KANK1: variants seen among roughly 807,000 people sequenced by gnomAD.
The protein encoded by KANK1 is KN motif and ankyrin repeat domains 1.
A neutral mutation model predicts 106.2 loss-of-function variants in KANK1; 109 were observed. That is an observed-to-expected ratio of 1.03 (90% confidence interval 0.88 to 1.20). The LOEUF (loss-of-function observed/expected upper bound fraction) is 1.20. Among genes scored for constraint, KANK1 ranks in the 50% most tolerant of loss-of-function variants. The pLI is 0.00. For missense variants in KANK1, 2,399 were observed against 1,710.7 expected, an observed-to-expected ratio of 1.40 and a Z score of -7.10; for synonymous variants, 873 against 652.2, an observed-to-expected ratio of 1.34 and a Z score of -5.16.
At chr9:536,961 A>G (rs1010998593) in intron 1 of KANK1, among the ~76,000 whole-genome samples, 12 of 152,212 alleles carry the variant, frequency 7.9e-5, no homozygotes, top group Non-Finnish European at 1.6e-4. Flanking sequence ...CGCACCTTGC[A>G]GGTCAGGTGT....
intron 2 of KANK1, among the ~76,000 whole-genome samples, chr9:704,992 C>CAAAAAAAAAAAAAAA: frequency 1.9e-5 from 1 of 53,096 alleles, no homozygotes; most frequent in Non-Finnish European, 3.2e-5. Context: ...GACCCTGTCT[C>CAAAAAAAAAAAAAAA]AAAAAAAAAA....
intron 2 of KANK1, among the ~76,000 whole-genome samples, chr9:695,492 C>G (rs1366601317): frequency 6.6e-6 from 1 of 152,138 alleles, no homozygotes; most frequent in Non-Finnish European, 1.5e-5. Flanking sequence ...CTACAGCTCC[C>G]TGCTGGCATC....
intron 3 of KANK1, among the ~76,000 whole-genome samples, chr9:494,782 C>T (rs1339474524): frequency 6.6e-6 from 1 of 152,128 alleles, no homozygotes; most frequent in East Asian, 1.9e-4. Flanking sequence ...CTCAAACAGT[C>T]CCTTTTGTTG....
At chr9:579,047 G>A (rs751879214) in intron 1 of KANK1, among the ~76,000 whole-genome samples, 2 of 152,184 alleles carry the variant, frequency 1.3e-5, no homozygotes, top group Non-Finnish European at 2.9e-5. Context: ...AATGCCAGCT[G>A]AAGCAGAGTA....
intron 1 of KANK1, among the ~76,000 whole-genome samples, chr9:638,844 CTG>C (rs1360173534): frequency 2.6e-5 from 4 of 152,182 alleles, no homozygotes; most frequent in African/African-American, 9.7e-5. Context: ...TTCAATTTGA[CTG>C]TGTTACTGCC....
intron 2 of KANK1, among the ~76,000 whole-genome samples, chr9:698,320 C>G (rs1821817853): frequency 6.6e-6 from 1 of 152,134 alleles, no homozygotes; most frequent in Admixed American, 6.5e-5. Context: ...CATGCTAAAT[C>G]AGAACCTGGA....
chr9:517,550 C>CT lies in KANK1; in HGVS notation c.-84+12804dup, dbSNP rs1041542592. 9.9e-5 allele frequency among the ~76,000 whole-genome samples: 15 copies of CT among 151,234 alleles called. 1 individual carries two copies. The highest frequency in any genetic ancestry group is 3.3e-4 in the Admixed American group (5 of 15,216). ...GATATTCATGGGAAAATAGGGAAGC[C>CT]TTTTTTTTCCTTTAGTGAAATCCTA... On this transcript the variant is annotated intron_variant, in intron 1 of 11. Transcript: ENST00000382297.
chr9:623,761 A>G (rs192277452), intron 1 of KANK1, among the ~76,000 whole-genome samples: 5 of 152,308 alleles, frequency 3.3e-5, no homozygotes, highest in Non-Finnish European at 7.4e-5. Context: ...TGACAAGGAT[A>G]TGGAGGAAAG....
At chr9:645,883 A>G (rs919125539) in intron 1 of KANK1, among the ~76,000 whole-genome samples, 2 of 151,028 alleles carry the variant, frequency 1.3e-5, no homozygotes, top group African/African-American at 5.0e-5. Context: ...ACATTGGTCT[A>G]TACAACAAAA....
chr9:622,513 G>A (rs555741303), intron 1 of KANK1, among the ~76,000 whole-genome samples: 73 of 152,296 alleles, frequency 4.8e-4, no homozygotes, highest in Middle Eastern at 3.4e-3. Flanking sequence ...CAGTCTCTTC[G>A]AAGAATACTG....
At chr9:611,969 C>T (rs901576879) in intron 1 of KANK1, among the ~76,000 whole-genome samples, 4 of 152,326 alleles carry the variant, frequency 2.6e-5, no homozygotes, top group African/African-American at 7.2e-5. Context: ...CCGCCAGTCT[C>T]GGCCTCCCAG....
At chr9:664,847 C>G (rs1398339758) in intron 1 of KANK1, among the ~76,000 whole-genome samples, 1 of 152,120 alleles carries the variant, frequency 6.6e-6, no homozygotes, top group Non-Finnish European at 1.5e-5. Context: ...TATTCCCTGT[C>G]TTTTTTGATA....
At chr9:514,151 T>TCC (rs1563696853) in intron 1 of KANK1, among the ~76,000 whole-genome samples, 46 of 28,312 alleles carry the variant, frequency 1.6e-3, no homozygotes, top group African/African-American at 7.9e-3. Flanking sequence ...TCCCTTCCTC[T>TCC]CTCCCTCCCT....
chr9:528,842 C>G (rs1289174311), intron 1 of KANK1, among the ~76,000 whole-genome samples: 3 of 152,066 alleles, frequency 2.0e-5, no homozygotes, highest in African/African-American at 7.2e-5. Context: ...ATTTGTAAGC[C>G]AGGCTGGAAT....
chr9:590,483 T>C (rs1370906285), intron 1 of KANK1, among the ~76,000 whole-genome samples: 2 of 152,220 alleles, frequency 1.3e-5, no homozygotes, highest in Non-Finnish European at 2.9e-5. Context: ...TATATATATG[T>C]ATATTTTTGC....
At chr9:740,214 T>A (rs928837046) in intron 8 of KANK1, among the ~76,000 whole-genome samples, 3 of 152,224 alleles carry the variant, frequency 2.0e-5, no homozygotes, top group African/African-American at 4.8e-5. Context: ...TCATCGATTC[T>A]GTTAAGGGGA....
intron 3 of KANK1, among the ~76,000 whole-genome samples, chr9:497,442 ACACACT>A (rs911064872): frequency 2.0e-4 from 31 of 152,110 alleles, no homozygotes; most frequent in Admixed American, 1.3e-3. Context: ...ACACACACAC[ACACACT>A]CACACTCACA....
intron 10 of KANK1, among the ~76,000 whole-genome samples, chr9:743,791 G>A (rs1362878182): frequency 6.6e-6 from 1 of 152,228 alleles, no homozygotes; most frequent in Non-Finnish European, 1.5e-5. Context: ...GAGCCCTGGA[G>A]GTCAAGGCTA....
intron 1 of KANK1, among the ~76,000 whole-genome samples, chr9:568,224 C>G (rs1330016070): frequency 1.3e-5 from 2 of 152,076 alleles, no homozygotes; most frequent in Admixed American, 1.3e-4. Flanking sequence ...ACACCAAAGG[C>G]AAAAATATTC....
Sources: gnomAD v4.1 joint callset for allele counts (sites outside exome capture counted in the v4.1 genomes callset) on GRCh38, gnomAD v4.1.1 for gene constraint, MANE v1.5 for transcripts, NCBI Gene and HGNC (gene_info 2026-07-23, HGNC 2026-07-21) for gene names.